VPS37C: variants seen among roughly 807,000 people sequenced by gnomAD.
VPS37C encodes the protein VPS37C subunit of ESCRT-I, also known as vacuolar protein sorting-associated protein 37C.
A neutral mutation model predicts 16.1 loss-of-function variants in VPS37C; 9 were observed. The observed-to-expected ratio is 0.56, with a 90% CI of 0.34 to 0.97. The LOEUF (loss-of-function observed/expected upper bound fraction) is 0.97, where lower values mean the gene tolerates loss of function less well. Among genes scored for constraint, VPS37C ranks in the 50% least tolerant of loss-of-function variants. The pLI is 0.02. For synonymous variants in VPS37C, 207 were observed against 206.4 expected, an observed-to-expected ratio of 1.00 and a Z score of -0.02; for missense variants, 479 against 472.7, an observed-to-expected ratio of 1.01 and a Z score of -0.12.
intron 1 of VPS37C, among the ~76,000 whole-genome samples, chr11:61,160,297 G>A (rs1054348035): frequency 1.3e-5 from 2 of 152,118 alleles, no homozygotes; most frequent in African/African-American, 4.8e-5. Context: ...AACAGTCCCC[G>A]ATCCCACCCG....
At chr11:61,154,138 C>G (rs1287820821) in intron 1 of VPS37C, among the ~76,000 whole-genome samples, 1 of 152,072 alleles carries the variant, frequency 6.6e-6, no homozygotes, top group African/African-American at 2.4e-5. Context: ...TCTAGAAATA[C>G]AAAAATATCC....
At chr11:61,153,537 A>G (rs1017091172) in intron 1 of VPS37C, among the ~76,000 whole-genome samples, 4 of 152,210 alleles carry the variant, frequency 2.6e-5, no homozygotes, top group African/African-American at 9.7e-5. Context: ...GTGGAGGGAG[A>G]GGCACTAGAT....
intron 1 of VPS37C, among the ~76,000 whole-genome samples, chr11:61,146,600 C>T (rs1406528923): frequency 1.3e-5 from 2 of 152,068 alleles, no homozygotes; most frequent in South Asian, 2.1e-4. Flanking sequence ...GGGAGGGCTG[C>T]GGGGCAGGCG....
intron 1 of VPS37C, among the ~76,000 whole-genome samples, chr11:61,147,331 G>A (rs12270474): frequency 0.073 from 11,155 of 152,208 alleles, 1,091 homozygotes; most frequent in African/African-American, 0.22. Context: ...GGGTGCAGCC[G>A]GACCAGCCAA....
In VPS37C at chr11:61,132,514, C is replaced by T. The variant is rs1258462319; in HGVS notation, c.374G>A (p.Gly125Asp). Residue 125 changes from glycine (G) to aspartate (D), a missense_variant, in exon 5 of 5, where the codon GGC becomes GAC. Coordinates refer to ENST00000301765, the MANE Select transcript of VPS37C (RefSeq NM_017966.5). ...CAGGAACGTTTCCAGGGGCACCTCG[C>T]CCTCCAGGAACTTCTCAGCCATGGC... ...SEAMAEKFLE[G>D]EVPLETFLEN... 4 of 1,606,642 alleles carry T rather than the reference C, an allele frequency of 2.5e-6. No homozygotes were observed. Among genetic ancestry groups the T allele is most frequent in the East Asian group, 4.5e-5 (2 of 44,784 alleles).
intron 2 of VPS37C, among the ~76,000 whole-genome samples, chr11:61,135,405 G>A (rs1373119122): frequency 6.6e-6 from 1 of 152,242 alleles, no homozygotes; most frequent in Non-Finnish European, 1.5e-5. Flanking sequence ...GTTCAGGGAT[G>A]TAGGGCCCAG....
At chr11:61,153,328 C>T (rs942464673) in intron 1 of VPS37C, among the ~76,000 whole-genome samples, 8 of 152,340 alleles carry the variant, frequency 5.3e-5, no homozygotes, top group South Asian at 2.1e-4. Flanking sequence ...TTAAGACGAA[C>T]GCACTTCACC....
At chr11:61,139,240 G>T (rs558689491) in intron 1 of VPS37C, among the ~76,000 whole-genome samples, 2 of 152,276 alleles carry the variant, frequency 1.3e-5, no homozygotes, top group African/African-American at 4.8e-5. Context: ...CCTCTGGTAG[G>T]TGTCTATTTC....
chr11:61,131,694 G>A lies in VPS37C; in HGVS notation c.*126C>T. 1 of 1,206,504 alleles carries A rather than the reference G, an allele frequency of 8.3e-7. No homozygotes were observed. The highest frequency in any genetic ancestry group is 1.0e-6 in the Non-Finnish European group (1 of 965,242). The allele number at this position is 1,206,504 out of a possible 1,614,324, so 74.7% of individuals were successfully genotyped here. A position where few individuals can be genotyped will look rare whatever the true frequency, so the allele number is the denominator to read the frequency against. On this transcript the variant is annotated 3_prime_UTR_variant, in exon 5 of 5. Transcript: ENST00000301765. ...AGTGCCTTGTCCCTCCAAGGCCTCTGGGTGCCGACGCAAGTCCACAGGGAG... is the reference window on the plus strand; with the variant it reads ...AGTGCCTTGTCCCTCCAAGGCCTCTAGGTGCCGACGCAAGTCCACAGGGAG...
In VPS37C at chr11:61,132,892, G is replaced by C. The variant is rs534699133; in HGVS notation, c.349-353C>G. The C allele has an allele frequency of 1.9e-5, 10 of 526,376 alleles. No individual in the cohort carries two copies. The Middle Eastern group carries it at 1.6e-3, about 83-fold the overall frequency. 32.6% of individuals were successfully genotyped at this position (526,376 alleles called of 1,614,324 possible). On this transcript the variant is annotated intron_variant, in intron 4 of 4. Coordinates refer to ENST00000301765, the MANE Select transcript of VPS37C (RefSeq NM_017966.5). ...TAGAAGCTTCTTCCACCCAGACACA[G>C]AGTGGACAGCACCAGTTTGCCCACA...
In VPS37C at chr11:61,131,778, G is replaced by GC. The variant is rs996819015; in HGVS notation, c.*41dup. The GC allele has an allele frequency of 4.0e-6, 5 of 1,242,918 alleles. No homozygotes were observed. The African/African-American group carries it at 7.7e-5, about 19-fold the overall frequency. The allele number at this position is 1,242,918 out of a possible 1,614,324, so 77.0% of individuals were successfully genotyped here. A position where few individuals can be genotyped will look rare whatever the true frequency, so the allele number is the denominator to read the frequency against. On this transcript the variant is annotated 3_prime_UTR_variant, in exon 5 of 5. Coordinates refer to ENST00000301765, the MANE Select transcript of VPS37C (RefSeq NM_017966.5). ...CGGCGATGGCTGGGCCAAAGGTTGA[G>GC]CGTGGGTGGGACTAGGGAGGGGCCG...
Position 61,151,195 on chromosome 11 carries a change from C to A in VPS37C, c.-7+10196G>T, listed in dbSNP as rs376481288. 2.6e-5 allele frequency among the ~76,000 whole-genome samples: 4 copies of A among 152,206 alleles called. No homozygotes were observed. In the East Asian group the frequency reaches 5.8e-4, roughly 22 times the overall value. On this transcript the variant is annotated intron_variant, in intron 1 of 4. Transcript: ENST00000301765. ...GAACACCAGGCCTGGCTCTGGGGAC[C>A]AACTTCATCAATGGTCATCGGTACG...
chr11:61,138,397 T>C (rs191856348), intron 2 of VPS37C: 9 of 231,540 alleles, frequency 3.9e-5, no homozygotes, highest in African/African-American at 1.1e-4. Context: ...CCTGGAGATA[T>C]GGGATCGCAC....
At chr11:61,133,175 T>C (rs1861303882) in intron 4 of VPS37C, 80 bp downstream of exon 4, 1 of 1,473,558 alleles carries the variant, frequency 6.8e-7, no homozygotes, top group Non-Finnish European at 9.4e-7. Context: ...TTTGCAGACA[T>C]CTGCTTCTCC....
intron 3 of VPS37C, 108 bp from the exon 4 acceptor site, chr11:61,133,445 G>C (rs371049749): frequency 1.4e-5 from 16 of 1,156,994 alleles, no homozygotes; most frequent in South Asian, 1.5e-5. Context: ...ACCACAGCAG[G>C]GTCCACCAAA....
chr11:61,155,795 G>C (rs899281935), intron 1 of VPS37C, among the ~76,000 whole-genome samples: 1 of 152,052 alleles, frequency 6.6e-6, no homozygotes, highest in Admixed American at 6.6e-5. Context: ...AAGGAATAAA[G>C]AGCACCAAAA....
chr11:61,133,397 G>T (rs1277204717), intron 3 of VPS37C, 60 bp from the exon 4 acceptor site: 2 of 1,550,658 alleles, frequency 1.3e-6, no homozygotes, highest in African/African-American at 1.4e-5. Flanking sequence ...AGTGTTAAAG[G>T]CACTTTGCAT....
chr11:61,137,157 C>A (rs1045920957), intron 2 of VPS37C, among the ~76,000 whole-genome samples: 1 of 152,186 alleles, frequency 6.6e-6, no homozygotes, highest in African/African-American at 2.4e-5. Context: ...CACTCTTCTA[C>A]ACGGAGAGAG....
chr11:61,146,751 A>G (rs1853212435), intron 1 of VPS37C, among the ~76,000 whole-genome samples: 1 of 152,388 alleles, frequency 6.6e-6, no homozygotes, highest in East Asian at 1.9e-4. Flanking sequence ...GAAGAGGAAC[A>G]GTGCCCCTGG....
Sources: gnomAD v4.1 joint callset for allele counts (sites outside exome capture counted in the v4.1 genomes callset) on GRCh38, gnomAD v4.1.1 for gene constraint, MANE v1.5 for transcripts, NCBI Gene and HGNC (gene_info 2026-07-23, HGNC 2026-07-21) for gene names.